CACNB2: variants seen among roughly 807,000 people sequenced by gnomAD.
CACNB2 encodes voltage-dependent L-type calcium channel subunit beta-2.
CACNB2 carries 42 observed loss-of-function variants against 73.3 expected under a neutral mutation model. That is an observed-to-expected ratio of 0.57 (90% CI 0.45 to 0.74). The LOEUF (loss-of-function observed/expected upper bound fraction) is 0.74, where lower values mean the gene tolerates loss of function less well. CACNB2 is among the 30% of genes least tolerant of loss of function. The pLI, the probability that CACNB2 is intolerant of heterozygous loss-of-function variation, is 0.00. For synonymous variants in CACNB2, 348 were observed against 310.3 expected (o/e 1.12, Z -1.28); for missense variants, 940 against 853.0 (o/e 1.10, Z -1.27).
chr10:18,324,172 T>C (rs1165677882), intron 2 of CACNB2, among the ~76,000 whole-genome samples: 1 of 152,226 alleles, frequency 6.6e-6, no homozygotes, highest in Non-Finnish European at 1.5e-5. Context: ...TTTCTGTTCA[T>C]GAGGAGCTTC....
At chr10:18,262,207 C>T (rs1258102456) in intron 2 of CACNB2, among the ~76,000 whole-genome samples, 1 of 151,294 alleles carries the variant, frequency 6.6e-6, no homozygotes, top group Admixed American at 6.6e-5. Flanking sequence ...TAAAGAAACC[C>T]GTGACCTTGG....
chr10:18,302,597 T>C (rs113033922), intron 2 of CACNB2, among the ~76,000 whole-genome samples: 10 of 152,264 alleles, frequency 6.6e-5, no homozygotes, highest in African/African-American at 2.4e-4. Context: ...AACTCAGGGA[T>C]GGGAAACCAA....
chr10:18,519,113 T>G (rs1425595477), intron 9 of CACNB2, 145 bp downstream of exon 9: 1 of 752,836 alleles, frequency 1.3e-6, no homozygotes, highest in Non-Finnish European at 2.4e-6. Context: ...TTTAATCTGA[T>G]TCAATCAATA....
intron 2 of CACNB2, among the ~76,000 whole-genome samples, chr10:18,205,862 G>A (rs1395326097): frequency 6.6e-6 from 1 of 152,142 alleles, no homozygotes; most frequent in Admixed American, 6.5e-5. Context: ...GAGACAGGAA[G>A]GCATCTTTGT....
chr10:18,390,528 GGTA>G (rs1435049368), intron 2 of CACNB2, among the ~76,000 whole-genome samples: 5 of 152,068 alleles, frequency 3.3e-5, no homozygotes, highest in Admixed American at 3.3e-4. Context: ...GTCTTTCTTT[GGTA>G]GTAGAGAGTC....
intron 2 of CACNB2, among the ~76,000 whole-genome samples, chr10:18,367,332 T>C (rs2042398287): frequency 6.6e-6 from 1 of 152,180 alleles, no homozygotes; most frequent in South Asian, 2.1e-4. Flanking sequence ...GTGCTTGAAC[T>C]TGGATTTTAA....
intron 2 of CACNB2, among the ~76,000 whole-genome samples, chr10:18,211,413 C>T (rs1219157415): frequency 6.6e-6 from 1 of 152,218 alleles, no homozygotes; most frequent in Admixed American, 6.5e-5. Flanking sequence ...TTAAGATATA[C>T]AAAAAGGCTC....
chr10:18,387,109 C>A lies in CACNB2; in HGVS notation c.214-14815C>A, dbSNP rs778618892. ...CGTCTCAGAGCCGTCATCTTGGTCA[C>A]TAAGCTCTTGCTCCTTAGAAACTCG... On this transcript the variant is annotated intron_variant, in intron 2 of 13. Transcript: ENST00000324631. Among the ~76,000 whole-genome samples, 38 of 152,296 alleles carry A rather than the reference C, an allele frequency of 2.5e-4. 1 individual carries two copies. The highest frequency in any genetic ancestry group is 3.4e-3 in the Middle Eastern group (1 of 294).
chr10:18,205,577 G>A (rs1350950089), intron 2 of CACNB2, among the ~76,000 whole-genome samples: 3 of 152,122 alleles, frequency 2.0e-5, no homozygotes, highest in African/African-American at 7.2e-5. Context: ...TAATGTACCA[G>A]TCATTTTGGA....
intron 2 of CACNB2, among the ~76,000 whole-genome samples, chr10:18,301,443 A>C (rs897162864): frequency 1.3e-5 from 2 of 151,782 alleles, no homozygotes; most frequent in East Asian, 3.9e-4. Flanking sequence ...AAAAACACAA[A>C]AATTAGCGGG....
chr10:18,199,780 G>A (rs932717024), intron 2 of CACNB2, among the ~76,000 whole-genome samples: 1 of 152,118 alleles, frequency 6.6e-6, no homozygotes, highest in Non-Finnish European at 1.5e-5. Flanking sequence ...CTGGAAGGAG[G>A]AAAACCAGAG....
intron 2 of CACNB2, among the ~76,000 whole-genome samples, chr10:18,324,681 C>A (rs1172838020): frequency 6.6e-6 from 1 of 152,210 alleles, no homozygotes; most frequent in African/African-American, 2.4e-5. Context: ...CATGGCGAAA[C>A]CTCGTCTCTA....
chr10:18,379,270 C>T (rs920884565), intron 2 of CACNB2, among the ~76,000 whole-genome samples: 2 of 152,008 alleles, frequency 1.3e-5, no homozygotes, highest in Non-Finnish European at 2.9e-5. Context: ...TGGAATGCAG[C>T]GGTGTGATCT....
intron 2 of CACNB2, among the ~76,000 whole-genome samples, chr10:18,314,561 C>T (rs2040084345): frequency 2.0e-5 from 3 of 151,242 alleles, no homozygotes; most frequent in Admixed American, 6.6e-5. Flanking sequence ...TTCCACAGTT[C>T]ATCTTCCCAC....
intron 2 of CACNB2, among the ~76,000 whole-genome samples, chr10:18,215,670 T>C (rs905597466): frequency 2.6e-5 from 4 of 152,208 alleles, no homozygotes; most frequent in Non-Finnish European, 4.4e-5. Context: ...ATACTTGGGA[T>C]GTCCTGAATA....
chr10:18,440,109 T>C (rs986938807), intron 3 of CACNB2, among the ~76,000 whole-genome samples: 3 of 152,182 alleles, frequency 2.0e-5, no homozygotes, highest in Admixed American at 1.3e-4. Context: ...CTGCTTCACA[T>C]GTGGCCTCTT....
intron 2 of CACNB2, among the ~76,000 whole-genome samples, chr10:18,315,685 T>A (rs1202334457): frequency 6.6e-6 from 1 of 151,690 alleles, no homozygotes; most frequent in Non-Finnish European, 1.5e-5. Flanking sequence ...TAGAGTAGGA[T>A]CCTGTCCCAA....
chr10:18,417,603 A>C (rs2045066559), intron 3 of CACNB2, among the ~76,000 whole-genome samples: 1 of 151,966 alleles, frequency 6.6e-6, no homozygotes, highest in Non-Finnish European at 1.5e-5. Context: ...CCTGACCTCA[A>C]GTGATCCACC....
At chr10:18,292,739 G>C (rs866221526) in intron 2 of CACNB2, among the ~76,000 whole-genome samples, 1 of 152,084 alleles carries the variant, frequency 6.6e-6, no homozygotes, top group Non-Finnish European at 1.5e-5. Flanking sequence ...TCAGAATAAC[G>C]AGAACAATCT....
Sources: gnomAD v4.1 joint callset for allele counts (sites outside exome capture counted in the v4.1 genomes callset) on GRCh38, gnomAD v4.1.1 for gene constraint, MANE v1.5 for transcripts, NCBI Gene and HGNC (gene_info 2026-07-23, HGNC 2026-07-21) for gene names.